Variants in WWOX observed in about 807,000 individuals in gnomAD.
The protein encoded by WWOX is WW domain-containing oxidoreductase.
WWOX carries 69 observed loss-of-function variants against 46.2 expected under a neutral mutation model. The observed-to-expected ratio is 1.49, with a 90% CI of 1.23 to 1.82. The LOEUF (loss-of-function observed/expected upper bound fraction) is 1.82, where lower values mean the gene tolerates loss of function less well. WWOX is among the 40% of genes most tolerant of loss of function. The pLI is 0.00. For synonymous variants in WWOX, 359 were observed against 202.6 expected (o/e 1.77, Z -6.56); for missense variants, 919 against 542.6 (o/e 1.69, Z -6.89).
intron 8 of WWOX, among the ~76,000 whole-genome samples, chr16:78,578,284 ATTTT>A (rs1172203878): frequency 6.2e-4 from 13 of 20,834 alleles, no homozygotes; most frequent in African/African-American, 3.0e-3. Context: ...ATATATATAT[ATTTT>A]TTTTTTTTTT....
chr16:78,278,135 G>A (rs1471253128), intron 5 of WWOX, among the ~76,000 whole-genome samples: 1 of 152,082 alleles, frequency 6.6e-6, no homozygotes. Context: ...CGGTTTGCTG[G>A]TATTATATTG....
chr16:78,377,258 C>A (rs956241465), intron 5 of WWOX, among the ~76,000 whole-genome samples: 1 of 152,192 alleles, frequency 6.6e-6, no homozygotes, highest in African/African-American at 2.4e-5. Context: ...AGATATAGGG[C>A]ATGTTTATTA....
chr16:78,377,579 A>C (rs1398293380), intron 5 of WWOX, among the ~76,000 whole-genome samples: 1 of 152,216 alleles, frequency 6.6e-6, no homozygotes, highest in East Asian at 1.9e-4. Context: ...ATAAATGCAC[A>C]ATCATGTTGA....
chr16:78,561,665 A>G, intron 8 of WWOX, among the ~76,000 whole-genome samples: 1 of 152,188 alleles, frequency 6.6e-6, no homozygotes, highest in East Asian at 1.9e-4. Flanking sequence ...ATATAAAAGA[A>G]AGGGGGTAAT....
At chr16:78,410,294 G>A (rs1240578786) in intron 6 of WWOX, among the ~76,000 whole-genome samples, 1 of 152,102 alleles carries the variant, frequency 6.6e-6, no homozygotes, top group Non-Finnish European at 1.5e-5. Flanking sequence ...CTTCTTTATT[G>A]CAGTGCAAGA....
chr16:78,630,599 G>A (rs1261968970), intron 8 of WWOX, among the ~76,000 whole-genome samples: 1 of 152,196 alleles, frequency 6.6e-6, no homozygotes. Context: ...CCCACTGGAA[G>A]AGGACATTTG....
At chr16:78,231,521 C>A (rs1486301386) in intron 5 of WWOX, among the ~76,000 whole-genome samples, 2 of 152,094 alleles carry the variant, frequency 1.3e-5, no homozygotes, top group Admixed American at 6.6e-5. Flanking sequence ...CTTTGCCTTT[C>A]CTTAGTTAAT....
At chr16:78,109,743 C>G (rs753263492) in intron 2 of WWOX, 35 bp from the exon 3 acceptor site, 14 of 1,613,080 alleles carry the variant, frequency 8.7e-6, no homozygotes, top group Non-Finnish European at 1.1e-5. Context: ...TTACTTCTCC[C>G]TGGCACCTGT....
chr16:78,453,409 C>T (rs1254358151), intron 8 of WWOX, among the ~76,000 whole-genome samples: 5 of 146,406 alleles, frequency 3.4e-5, no homozygotes, highest in South Asian at 2.2e-4. Flanking sequence ...GGCGCATGAG[C>T]GAGACTATGT....
chr16:79,207,064 C>G (rs1404056242), intron 8 of WWOX, among the ~76,000 whole-genome samples: 1 of 152,170 alleles, frequency 6.6e-6, no homozygotes, highest in Non-Finnish European at 1.5e-5. Context: ...GTTATAGCCT[C>G]TCCTGGGGGA....
chr16:79,162,012 C>T (rs1156278198), intron 8 of WWOX, among the ~76,000 whole-genome samples: 1 of 152,204 alleles, frequency 6.6e-6, no homozygotes, highest in Non-Finnish European at 1.5e-5. Flanking sequence ...AGAACCAGGA[C>T]ACCTGTCTCC....
At chr16:78,563,490 AACACACAC>A (rs61298369) in intron 8 of WWOX, among the ~76,000 whole-genome samples, 1 of 137,874 alleles carries the variant, frequency 7.3e-6, no homozygotes, top group African/African-American at 2.8e-5. Context: ...CGTGTGGGTG[AACACACAC>A]ACACACACAC....
chr16:78,908,964 T>C lies in WWOX; in HGVS notation c.1057-302644T>C, dbSNP rs138367321. 6.5e-3 allele frequency among the ~76,000 whole-genome samples: 989 copies of C among 152,290 alleles called. 9 individuals carry two copies. The highest frequency in any genetic ancestry group is 0.023 in the African/African-American group (940 of 41,562). ...CCTAATTTCTAATCTTGTGGCTAATTTGTTAGTCCTGCAAAGGCAGTCTAG... is the reference window on the plus strand; with the variant it reads ...CCTAATTTCTAATCTTGTGGCTAATCTGTTAGTCCTGCAAAGGCAGTCTAG... On this transcript the variant is annotated intron_variant, in intron 8 of 8. Coordinates refer to ENST00000566780, the MANE Select transcript of WWOX (RefSeq NM_016373.4).
intron 8 of WWOX, among the ~76,000 whole-genome samples, chr16:79,147,545 A>T (rs143070838): frequency 2.0e-5 from 3 of 152,194 alleles, no homozygotes; most frequent in African/African-American, 7.2e-5. Context: ...AAGTAATGCT[A>T]TTATAAACAT....
At chr16:78,726,668 G>A (rs2048844247) in intron 8 of WWOX, among the ~76,000 whole-genome samples, 1 of 151,982 alleles carries the variant, frequency 6.6e-6, no homozygotes, top group South Asian at 2.1e-4. Context: ...CAATTTATTA[G>A]GGCTTTATGT....
intron 8 of WWOX, among the ~76,000 whole-genome samples, chr16:78,775,631 G>T (rs185679856): frequency 6.6e-6 from 1 of 152,166 alleles, no homozygotes. Flanking sequence ...CTCCAATGAG[G>T]ATGAAAATGT....
At chr16:78,932,269 G>T (rs957324729) in intron 8 of WWOX, among the ~76,000 whole-genome samples, 3 of 152,136 alleles carry the variant, frequency 2.0e-5, no homozygotes, top group African/African-American at 7.2e-5. Context: ...GAAGGTATCT[G>T]GTCCTGTCCG....
Position 79,125,046 on chromosome 16 carries a change from TC to T in WWOX, c.1057-86561del, listed in dbSNP as rs1449785391. ...TCTGACTCTGAAACCTATTTTCCCATCTTTTTTTTTTTTTTTAGGGATAAAT... is the reference window on the plus strand; with the variant it reads ...TCTGACTCTGAAACCTATTTTCCCATTTTTTTTTTTTTTTTAGGGATAAAT... On this transcript the variant is annotated intron_variant, in intron 8 of 8. Coordinates refer to ENST00000566780, the MANE Select transcript of WWOX (RefSeq NM_016373.4). Among the ~76,000 whole-genome samples the T allele has an allele frequency of 5.5e-3, 315 of 57,748 alleles. 4 individuals carry two copies. The highest frequency in any genetic ancestry group is 0.019 in the East Asian group (33 of 1,710). The allele number at this position is 57,748 out of a possible 152,430, so 37.9% of individuals were successfully genotyped here.
At chr16:78,458,265 T>G (rs2083871721) in intron 8 of WWOX, among the ~76,000 whole-genome samples, 1 of 92,238 alleles carries the variant, frequency 1.1e-5, no homozygotes. Flanking sequence ...ATAGTTTTTT[T>G]TTTTTTTTTT....
Sources: gnomAD v4.1 joint callset for allele counts (sites outside exome capture counted in the v4.1 genomes callset) on GRCh38, gnomAD v4.1.1 for gene constraint, MANE v1.5 for transcripts, NCBI Gene and HGNC (gene_info 2026-07-23, HGNC 2026-07-21) for gene names.